RIC1: variants seen among roughly 807,000 people sequenced by gnomAD.
RIC1 encodes the protein guanine nucleotide exchange factor subunit RIC1.
A neutral mutation model predicts 169.0 loss-of-function variants in RIC1; 88 were observed. The ratio of observed to expected loss-of-function variants is 0.52; its 90% CI spans 0.44 to 0.62. The LOEUF is 0.62. Ranked by LOEUF, RIC1 falls within the 20% of genes least tolerant of loss-of-function variation. The pLI, the probability that RIC1 is intolerant of heterozygous loss-of-function variation, is 0.00. For missense variants in RIC1, 1,877 were observed against 1,725.5 expected, an observed-to-expected ratio of 1.09 and a Z score of -1.56; for synonymous variants, 790 against 601.5, an observed-to-expected ratio of 1.31 and a Z score of -4.59.
Position 5,769,221 on chromosome 9 carries a change from T to A in RIC1, c.3389T>A (p.Ile1130Asn), listed in dbSNP as rs1827022130. 6.2e-7 allele frequency: 1 copy of A among 1,614,176 alleles called. No homozygotes were observed. The highest frequency in any genetic ancestry group is 8.5e-7 in the Non-Finnish European group (1 of 1,179,996). Residue 1130 changes from isoleucine to asparagine, a missense_variant, in exon 22 of 26, where the codon ATC becomes AAC. This residue lies in a region of RIC1 where 681 missense variants were observed against 582.0 expected (regional missense o/e 1.17). Transcript: ENST00000414202. ...WPLPIIPASS[I>N]SSPFKNGKYR... ...CTTCCAATCATCCCAGCCTCTTCTA[T>A]CAGTTCTCCTTTCAAAAATGGAAAA... is the stretch of plus-strand genomic sequence containing the variant.
At chr9:5,738,971 A>T (rs1225164618) in intron 8 of RIC1, among the ~76,000 whole-genome samples, 3 of 152,054 alleles carry the variant, frequency 2.0e-5, no homozygotes, top group African/African-American at 7.2e-5. Context: ...GGATCCAGTT[A>T]TTCCCATTTT....
intron 6 of RIC1, among the ~76,000 whole-genome samples, chr9:5,721,186 G>C (rs372549925): frequency 1.3e-5 from 2 of 151,952 alleles, no homozygotes; most frequent in Non-Finnish European, 2.9e-5. Flanking sequence ...TTTTGATTAG[G>C]TTACTATTAA....
At chr9:5,770,403 G>A (rs1008329720) in intron 23 of RIC1, 125 bp downstream of exon 23, 5 of 860,598 alleles carry the variant, frequency 5.8e-6, no homozygotes, top group African/African-American at 1.7e-5. Flanking sequence ...TGTATCCACT[G>A]GAGAGGTAGA....
chr9:5,776,402 C>G lies in RIC1; in HGVS notation c.*2156C>G, dbSNP rs1295823415. Reference sequence around the variant, plus strand: ...ATTCAGTATAACTATTTGAGGTTTACTAGATGCATTTATTAATAAATTATT... The same window carrying G: ...ATTCAGTATAACTATTTGAGGTTTAGTAGATGCATTTATTAATAAATTATT... On this transcript the variant is annotated 3_prime_UTR_variant, in exon 26 of 26. Transcript: ENST00000414202. 3 of 152,026 alleles carry G rather than the reference C, an allele frequency of 2.0e-5. No individual in the cohort carries two copies. Among genetic ancestry groups the G allele is most frequent in the Non-Finnish European group, 4.4e-5 (3 of 67,960 alleles). 9.4% of individuals were successfully genotyped at this position (152,026 alleles called of 1,614,324 possible). A position where few individuals can be genotyped will look rare whatever the true frequency, so the allele number is the denominator to read the frequency against.
chr9:5,653,177 G>A lies in RIC1; in HGVS notation c.145-3406G>A, dbSNP rs145716967. Among the ~76,000 whole-genome samples, 27 of 152,180 alleles carry A rather than the reference G, an allele frequency of 1.8e-4. No homozygotes were observed. The East Asian group carries it at 5.0e-3, about 28-fold the overall frequency. ...TCTAGTTGTTTGAATACTATTCATT[G>A]CAAAGACTGTCTTTTCTCTGTTGTA... On this transcript the variant is annotated intron_variant, in intron 1 of 25. Transcript: ENST00000414202.
At position 5,776,072 on chromosome 9, in the gene RIC1, C is replaced by A. The variant is rs1273255528; in HGVS notation, c.*1826C>A. On this transcript the variant is annotated 3_prime_UTR_variant, in exon 26 of 26. Coordinates refer to ENST00000414202, the MANE Select transcript of RIC1 (RefSeq NM_020829.4). ...ATTTACCATTATAAAGAGCTGTGAT[C>A]TTTTCAAGTATCTGAAATAAAACAC... 6.6e-6 allele frequency: 1 copy of A among 152,142 alleles called. No homozygotes were observed. Among genetic ancestry groups the A allele is most frequent in the Non-Finnish European group, 1.5e-5 (1 of 68,012 alleles). 9.4% of individuals were successfully genotyped at this position (152,142 alleles called of 1,614,324 possible). A position where few individuals can be genotyped will look rare whatever the true frequency, so the allele number is the denominator to read the frequency against.
At chr9:5,765,303 C>A in intron 19 of RIC1, 111 bp from the exon 20 acceptor site, 2 of 1,134,316 alleles carry the variant, frequency 1.8e-6, no homozygotes. Flanking sequence ...AAACTAACCC[C>A]TGTGGTGGTG....
intron 1 of RIC1, among the ~76,000 whole-genome samples, chr9:5,652,223 C>G (rs984427135): frequency 1.3e-5 from 2 of 152,090 alleles, no homozygotes; most frequent in South Asian, 2.1e-4. Context: ...GAATTTTAGG[C>G]TTGTGTTTTC....
intron 1 of RIC1, among the ~76,000 whole-genome samples, chr9:5,653,659 G>A (rs1014043282): frequency 2.6e-5 from 4 of 151,592 alleles, no homozygotes; most frequent in African/African-American, 9.7e-5. Context: ...GTGCAATGGC[G>A]CAGTCTTGGC....
rs183484971 is a variant in RIC1, at chr9:5,641,022, T to A, written c.144+11569T>A. ...ATTTGTTTCTTTTCTCTTGCCGTTT[T>A]TAGGATCTTTCTTTATCCTTGATAA... is the stretch of plus-strand genomic sequence containing the variant. On this transcript the variant is annotated intron_variant, in intron 1 of 25. Transcript: ENST00000414202. Among the ~76,000 whole-genome samples, 66 of 152,094 alleles carry A rather than the reference T, an allele frequency of 4.3e-4. No homozygotes were observed. In the East Asian group the frequency reaches 0.012, roughly 28 times the overall value.
At position 5,681,092 on chromosome 9, in the gene RIC1, C is replaced by T. The variant is rs59304547; in HGVS notation, c.253-8867C>T. On this transcript the variant is annotated intron_variant, in intron 2 of 25. Transcript: ENST00000414202. ...CCGCCCGCCTCGGCCTCCCAAAGTG[C>T]TGGGATTACAGGCGTGAGCCACCGC... is the stretch of plus-strand genomic sequence containing the variant. Among the ~76,000 whole-genome samples, 862 of 152,110 alleles carry T rather than the reference C, an allele frequency of 5.7e-3. 10 individuals carry two copies. The highest frequency in any genetic ancestry group is 0.02 in the African/African-American group (817 of 41,466).
chr9:5,765,178 A>G (rs1826632032), intron 19 of RIC1: 1 of 397,730 alleles, frequency 2.5e-6, no homozygotes, highest in South Asian at 6.9e-5. Context: ...GAAATGACTT[A>G]AAGTATATGT....
At chr9:5,651,671 C>G (rs866864291) in intron 1 of RIC1, among the ~76,000 whole-genome samples, 2 of 146,720 alleles carry the variant, frequency 1.4e-5, no homozygotes, top group South Asian at 2.2e-4. Flanking sequence ...TCAAGTGATT[C>G]TCCTGCCTCA....
In RIC1 at chr9:5,769,127, A is replaced by T. The variant is rs967266969; in HGVS notation, c.3295A>T (p.Thr1099Ser). The T allele has an allele frequency of 6.2e-7, 1 of 1,614,098 alleles. No homozygotes were observed. Among genetic ancestry groups the T allele is most frequent in the Non-Finnish European group, 8.5e-7 (1 of 1,179,962 alleles). Residue 1099 changes from threonine to serine, a missense_variant, in exon 22 of 26, where the codon ACC becomes TCC. Transcript: ENST00000414202. The stretch of plus-strand genomic sequence containing the variant: ...AATTAGTTGGCTATGCAAGGAACGT[A>T]CCCGAGCCGCCCGGGTAGACAACTT... ...ELISWLCKER[T>S]RAARVDNFVI...
At chr9:5,637,641 T>C (rs1178609992) in intron 1 of RIC1, among the ~76,000 whole-genome samples, 1 of 152,232 alleles carries the variant, frequency 6.6e-6, no homozygotes, top group Non-Finnish European at 1.5e-5. Flanking sequence ...GTAATCATCT[T>C]TCCACTCTTT....
chr9:5,641,513 A>G (rs769814987), intron 1 of RIC1, among the ~76,000 whole-genome samples: 4 of 151,632 alleles, frequency 2.6e-5, no homozygotes, highest in Admixed American at 1.3e-4. Flanking sequence ...TGAACTTTCT[A>G]CTCCGGTCTC....
intron 25 of RIC1, 99 bp from the exon 26 acceptor site, chr9:5,773,859 G>A (rs1481914925): frequency 1.2e-5 from 14 of 1,157,638 alleles, no homozygotes; most frequent in East Asian, 2.5e-5. Flanking sequence ...ATCTATCGTC[G>A]TCTTTACCAT....
chr9:5,738,503 C>G lies in RIC1; in HGVS notation c.866C>G (p.Ser289Cys). ...IDNSTGAMLLSHKLELTAKQY... is the reference protein window; with the variant it reads ...IDNSTGAMLLCHKLELTAKQY... ...AACAGCACTGGAGCCATGCTGCTAT[C>G]TCATAAATTAGAGCTAACAGCAAAA... Residue 289 changes from serine to cysteine, a missense_variant, in exon 8 of 26, where the codon TCT (serine) becomes TGT (cysteine). Around this residue, in one of 3 missense-constraint regions of RIC1, gnomAD observed 1,104 missense variants for 992.0 expected, o/e 1.11. Transcript: ENST00000414202. 6.4e-7 allele frequency: 1 copy of G among 1,564,942 alleles called. No individual in the cohort carries two copies. Among genetic ancestry groups the G allele is most frequent in the Non-Finnish European group, 8.7e-7 (1 of 1,145,900 alleles).
intron 7 of RIC1, among the ~76,000 whole-genome samples, chr9:5,737,259 C>T (rs1824773090): frequency 6.8e-6 from 1 of 146,988 alleles, no homozygotes; most frequent in Admixed American, 6.7e-5. Flanking sequence ...GATTTTACTT[C>T]TGGCTTCAGG....
Sources: allele counts gnomAD v4.1 joint callset (sites outside exome capture counted in the v4.1 genomes callset), GRCh38; gene constraint gnomAD v4.1.1; regional missense constraint gnomAD v4.1.1; transcripts MANE v1.5; gene names NCBI Gene and HGNC (gene_info 2026-07-23, HGNC 2026-07-21).